Variants in DEPDC1 observed in about 807,000 individuals in gnomAD.
DEPDC1 encodes the protein DEP domain containing 1.
Under a neutral mutation model 86.8 loss-of-function variants are expected in DEPDC1, and 66 were observed. The observed-to-expected ratio is 0.76, with a 90% CI of 0.62 to 0.93. DEPDC1 has a LOEUF of 0.93. DEPDC1 is among the 40% of genes least tolerant of loss of function. DEPDC1 has a pLI of 0.00. For synonymous variants in DEPDC1, 255 were observed against 314.9 expected (o/e 0.81, Z 2.02); for missense variants, 792 against 935.7 (o/e 0.85, Z 2.00).
intron 9 of DEPDC1, 59 bp from the exon 10 acceptor site, chr1:68,479,379 A>G: frequency 1.5e-6 from 2 of 1,302,348 alleles, no homozygotes; most frequent in Non-Finnish European, 2.1e-6. Context: ...AAACTAGAAT[A>G]TCGGTAATTT....
rs1646157318 is a variant in DEPDC1 at position 68,481,720 on chromosome 1, A to G, written c.1763-108T>C. 4.5e-6 allele frequency: 4 copies of G among 889,378 alleles called. No individual in the cohort carries two copies. The East Asian group carries it at 8.3e-5, about 18-fold the overall frequency. 55.1% of individuals were successfully genotyped at this position (889,378 alleles called of 1,614,324 possible). On this transcript the variant is annotated intron_variant, in intron 8 of 11. Transcript: ENST00000456315. ...AGGTAAAATAATATCTTAGTATTTC[A>G]TCTTTTAACTATTTCTAGAAATTAC...
chr1:68,477,253 TCATTAA>T (rs929695722), intron 11 of DEPDC1, among the ~76,000 whole-genome samples, 184 bp from the exon 12 acceptor site: 4 of 151,814 alleles, frequency 2.6e-5, no homozygotes, highest in Non-Finnish European at 4.4e-5. Flanking sequence ...CTCTTAGATC[TCATTAA>T]CATTAACATT....
At position 68,496,854 on chromosome 1, in the gene DEPDC1, C is replaced by CA. The variant is rs1261502883; in HGVS notation, c.48+97_48+98insT. 32 of 1,221,374 alleles carry CA rather than the reference C, an allele frequency of 2.6e-5. No individual in the cohort carries two copies. 75.7% of individuals were successfully genotyped at this position (1,221,374 alleles called of 1,614,324 possible). Reference sequence around the variant, plus strand: ...CCTAGGGATCCTGGGACTCATCCCTCCGACCGAGGTAAAACTGCGAACGGT... The same window carrying CA: ...CCTAGGGATCCTGGGACTCATCCCTCACGACCGAGGTAAAACTGCGAACGGT... On this transcript the variant is annotated intron_variant, in intron 1 of 11. Transcript: ENST00000456315. This position sits in a 1 kb window ranked among gnomAD's most constrained non-coding sequence, Gnocchi z 4.0.
intron 11 of DEPDC1, 123 bp downstream of exon 11, chr1:68,477,664 T>C (rs1646125758): frequency 1.7e-6 from 1 of 605,662 alleles, no homozygotes; most frequent in African/African-American, 1.9e-5. Flanking sequence ...ATATATAGTC[T>C]ATATAACTCA....
chr1:68,478,867 T>C (rs1345420206), intron 10 of DEPDC1, among the ~76,000 whole-genome samples: 1 of 152,002 alleles, frequency 6.6e-6, no homozygotes, highest in Admixed American at 6.6e-5. Flanking sequence ...TTCCTTTGAA[T>C]TGCAAATGTA....
In DEPDC1 at chr1:68,494,548, C is replaced by A. The variant is rs1331123228; in HGVS notation, c.196G>T (p.Glu66Ter). The change falls in exon 2 of 12, where the codon GAA becomes TAA. Residue 66 changes from glutamate to a stop codon, truncating the protein, a stop_gained. Transcript: ENST00000456315. LOFTEE classifies it high-confidence loss of function. Reference protein sequence around the residue: ...LLRNNSNFGPEVTRQQTIQLL... With the variant: ...LLRNNSNFGP ...TGGATAGTCTGTTGCCTTGTAACTT[C>A]AGGACCAAAATTGCTATTATTTCTT... 20 of 1,613,624 alleles carry A rather than the reference C, an allele frequency of 1.2e-5. No individual in the cohort carries two copies. In the East Asian group the frequency reaches 4.5e-4, roughly 36 times the overall value.
intron 9 of DEPDC1, among the ~76,000 whole-genome samples, chr1:68,480,251 A>ACC (rs1557616804): frequency 2.7e-5 from 1 of 37,154 alleles, no homozygotes; most frequent in Admixed American, 2.3e-4. Flanking sequence ...CTCTAACTGT[A>ACC]CCACACACAC....
intron 2 of DEPDC1, among the ~76,000 whole-genome samples, chr1:68,491,038 A>G (rs900686291): frequency 1.3e-5 from 2 of 152,198 alleles, no homozygotes; most frequent in Non-Finnish European, 2.9e-5. Context: ...TTAACTCAAC[A>G]TGGATTAAAG....
At chr1:68,489,329 A>G in intron 3 of DEPDC1, 123 bp downstream of exon 3, 1 of 632,028 alleles carries the variant, frequency 1.6e-6, no homozygotes, top group South Asian at 3.3e-5. Flanking sequence ...TTTAGAATGT[A>G]ATGTAGGTTA....
chr1:68,481,772 C>T (rs1646157577), intron 8 of DEPDC1, 160 bp from the exon 9 acceptor site: 1 of 659,902 alleles, frequency 1.5e-6, no homozygotes, highest in Admixed American at 3.6e-5. Flanking sequence ...GTAAGATTCT[C>T]ATTATTTTCT....
In DEPDC1 at chr1:68,489,037, G is replaced by GA. The variant is rs762934766; in HGVS notation, c.472-4dup. 6 of 1,573,634 alleles carry GA rather than the reference G, an allele frequency of 3.8e-6. No homozygotes were observed. Among genetic ancestry groups the GA allele is most frequent in the Non-Finnish European group, 3.5e-6 (4 of 1,148,350 alleles). On this transcript the variant is annotated splice_polypyrimidine_tract_variant and splice_region_variant and intron_variant, in intron 3 of 11. Coordinates refer to ENST00000456315, the MANE Select transcript of DEPDC1 (RefSeq NM_001114120.3). ...TGCTTTATTTTCTCGCCATTTTCCT[G>GA]AAAAAAGGATTATTTTGGTTTAATC... is the stretch of plus-strand genomic sequence containing the variant.
At chr1:68,480,363 T>C (rs72674340) in intron 9 of DEPDC1, among the ~76,000 whole-genome samples, 6,197 of 152,006 alleles carry the variant, frequency 0.041, 153 homozygotes, top group East Asian at 0.067. Context: ...TTTATAGAAT[T>C]GATACATTTT....
In DEPDC1 at chr1:68,497,031, G is replaced by C; in HGVS notation, c.-32C>G. ...GTCAGCGCCCGGTGGCGTCCATGGCGGCGAAGGCGACACTCAGGCCCAGCG... is the reference window on the plus strand; with the variant it reads ...GTCAGCGCCCGGTGGCGTCCATGGCCGCGAAGGCGACACTCAGGCCCAGCG... On this transcript the variant is annotated 5_prime_UTR_variant, in exon 1 of 12. Coordinates refer to ENST00000456315, the MANE Select transcript of DEPDC1 (RefSeq NM_001114120.3). The C allele has an allele frequency of 6.2e-7, 1 of 1,609,984 alleles. No individual in the cohort carries two copies.
Position 68,474,162 on chromosome 1 carries a change from AAG to A in DEPDC1, c.*2768_*2769del, listed in dbSNP as rs1252375938. 1 of 152,152 alleles carries A rather than the reference AAG, an allele frequency of 6.6e-6. No homozygotes were observed. Among genetic ancestry groups the A allele is most frequent in the African/African-American group, 2.4e-5 (1 of 41,442 alleles). The allele number at this position is 152,152 out of a possible 1,614,324, so 9.4% of individuals were successfully genotyped here. On this transcript the variant is annotated 3_prime_UTR_variant, in exon 12 of 12. Coordinates refer to ENST00000456315, the MANE Select transcript of DEPDC1 (RefSeq NM_001114120.3). ...CACAAGAAAAGAAACTTGATAGCAA[AAG>A]AGTTTTAATCAGTAGAGATCTTAAA... is the stretch of plus-strand genomic sequence containing the variant.
chr1:68,481,440 C>G lies in DEPDC1; in HGVS notation c.1935G>C (p.Leu645=). 1 of 1,607,826 alleles carries G rather than the reference C, an allele frequency of 6.2e-7. No individual in the cohort carries two copies. The highest frequency in any genetic ancestry group is 1.3e-5 in the African/African-American group (1 of 74,660). The change falls in exon 9 of 12, where the codon CTG becomes CTC. Residue 645 remains leucine (L), a splice_region_variant and synonymous_variant. Transcript: ENST00000456315. ...KLHDAMGTRS[L]MIHTFSRCVL... Reference sequence around the variant, plus strand: ...TTCTTTCTATAAGAAATCAACTTACCAGTGACCTCGTACCCATTGCATCAT... The same window carrying G: ...TTCTTTCTATAAGAAATCAACTTACGAGTGACCTCGTACCCATTGCATCAT...
In DEPDC1 at chr1:68,496,990, G is replaced by T. The variant is rs746363802; in HGVS notation, c.10C>A (p.Gln4Lys). The change falls in exon 1 of 12, where the codon CAG (glutamine) becomes AAG (lysine). Residue 4 changes from glutamine (Q) to lysine (K), a missense_variant. Physicochemically the swap from Gln to Lys is moderately conservative, Grantham distance 53. Coordinates refer to ENST00000456315, the MANE Select transcript of DEPDC1 (RefSeq NM_001114120.3). The surrounding 1 kb of genome is among the most constrained non-coding windows in gnomAD (Gnocchi z 4.0). MES[Q>K]GVPPGPYRAT... The stretch of plus-strand genomic sequence containing the variant: ...CGATAAGGCCCGGGAGGCACACCCT[G>T]ACTCTCCATAGGTCTGTCAGCGCCC... 3.1e-6 allele frequency: 5 copies of T among 1,613,440 alleles called. No individual in the cohort carries two copies. The highest frequency in any genetic ancestry group is 3.3e-5 in the Admixed American group (2 of 60,008).
chr1:68,477,739 G>A (rs1276857138), intron 11 of DEPDC1, 48 bp downstream of exon 11: 2 of 1,201,878 alleles, frequency 1.7e-6, no homozygotes, highest in Non-Finnish European at 1.1e-6. Context: ...ACCAGGAACA[G>A]CACATTAGAA....
chr1:68,490,366 T>C (rs116326679), intron 2 of DEPDC1, among the ~76,000 whole-genome samples: 1,638 of 142,994 alleles, frequency 0.011, 31 homozygotes, highest in African/African-American at 0.04. Flanking sequence ...TGAGAGCATG[T>C]GATATTCAGT....
chr1:68,480,904 A>C (rs1557617067), intron 9 of DEPDC1, among the ~76,000 whole-genome samples: 1 of 152,008 alleles, frequency 6.6e-6, no homozygotes, highest in Non-Finnish European at 1.5e-5. Flanking sequence ...TCAAGAGTTC[A>C]TTTCCAATCA....
Sources: allele counts gnomAD v4.1 joint callset (sites outside exome capture counted in the v4.1 genomes callset), GRCh38; gene constraint gnomAD v4.1.1; non-coding constraint Gnocchi (gnomAD v3.1); transcripts MANE v1.5; gene names NCBI Gene and HGNC (gene_info 2026-07-23, HGNC 2026-07-21).